Variants in DCLK1 observed in about 807,000 individuals in gnomAD.
DCLK1 encodes the protein serine/threonine-protein kinase DCLK1.
A neutral mutation model predicts 86.2 loss-of-function variants in DCLK1; 16 were observed. The ratio of observed to expected loss-of-function variants is 0.19; its 90% confidence interval spans 0.13 to 0.28. DCLK1 has a LOEUF of 0.28. Among genes scored for constraint, DCLK1 ranks in the 10% least tolerant of loss-of-function variants. DCLK1 has a pLI of 1.00. For synonymous variants in DCLK1, 369 were observed against 370.5 expected (o/e 1.00, Z 0.05); for missense variants, 590 against 940.2 (o/e 0.63, Z 4.87).
chr13:35,904,452 A>C (rs1874566681), intron 4 of DCLK1, among the ~76,000 whole-genome samples: 2 of 152,212 alleles, frequency 1.3e-5, no homozygotes, highest in South Asian at 4.1e-4. Context: ...CCAACCTCCC[A>C]AAGTGCTGAG....
At chr13:35,928,666 C>T (rs1211642148) in intron 4 of DCLK1, among the ~76,000 whole-genome samples, 6 of 152,180 alleles carry the variant, frequency 3.9e-5, no homozygotes, top group African/African-American at 2.4e-5. Context: ...CTCTTTAGTT[C>T]ACTGTGATAT....
chr13:36,070,867 A>C (rs1207317925), intron 3 of DCLK1, among the ~76,000 whole-genome samples: 1 of 151,562 alleles, frequency 6.6e-6, no homozygotes, highest in East Asian at 2.0e-4. Context: ...GGTCTCTCTA[A>C]CTCCTGACCT....
rs765069595 is a variant in DCLK1 at position 35,808,247 on chromosome 13, C to A, written c.1840G>T (p.Asp614Tyr). ...ACCTTTGCAGAATCGGAAACATTATCCCAGTATGGAGAAGGAAAGTCCACC... is the reference window on the plus strand; with the variant it reads ...ACCTTTGCAGAATCGGAAACATTATACCAGTATGGAGAAGGAAAGTCCACC... ...GQVDFPSPYW[D>Y]NVSDSAKELI... is the part of the protein sequence containing the mutation. The change falls in exon 14 of 17, where the codon GAT (aspartate) becomes TAT (tyrosine). Residue 614 changes from aspartate (D) to tyrosine (Y), a missense_variant. By Grantham distance (160) the Asp-to-Tyr change is radical. Coordinates refer to ENST00000360631, the MANE Select transcript of DCLK1 (RefSeq NM_001330071.2). 46 of 1,613,860 alleles carry A rather than the reference C, an allele frequency of 2.9e-5. No individual in the cohort carries two copies. Among genetic ancestry groups the A allele is most frequent in the Non-Finnish European group, 3.9e-5 (46 of 1,179,940 alleles).
intron 4 of DCLK1, 91 bp from the exon 5 acceptor site, chr13:35,871,431 T>C: frequency 9.5e-7 from 1 of 1,056,326 alleles, no homozygotes; most frequent in Non-Finnish European, 1.4e-6. Context: ...AGTAGAAATA[T>C]ATGACCATCC....
intron 4 of DCLK1, among the ~76,000 whole-genome samples, chr13:35,937,573 G>C (rs145186823): frequency 5.9e-5 from 9 of 152,288 alleles, no homozygotes; most frequent in African/African-American, 2.2e-4. Flanking sequence ...GACTAGATAT[G>C]ATGATGGCAA....
intron 16 of DCLK1, among the ~76,000 whole-genome samples, chr13:35,776,640 C>A (rs531218069): frequency 6.6e-6 from 1 of 152,306 alleles, no homozygotes; most frequent in East Asian, 1.9e-4. Context: ...CAAATGCTTT[C>A]TAAACAGCCA....
At chr13:35,787,281 AT>A (rs10718386) in intron 16 of DCLK1, among the ~76,000 whole-genome samples, 45,493 of 148,538 alleles carry the variant, frequency 0.31, 8,823 homozygotes, top group African/African-American at 0.54. Flanking sequence ...AACCAGTGGA[AT>A]TTTTTTTTTT....
intron 3 of DCLK1, among the ~76,000 whole-genome samples, chr13:36,086,819 C>T (rs1483137023): frequency 6.6e-6 from 1 of 152,180 alleles, no homozygotes; most frequent in Non-Finnish European, 1.5e-5. Context: ...TTTATGGCTG[C>T]ACAGTATTCC....
intron 3 of DCLK1, among the ~76,000 whole-genome samples, chr13:35,984,234 T>C (rs1879795451): frequency 6.6e-6 from 1 of 152,180 alleles, no homozygotes; most frequent in Non-Finnish European, 1.5e-5. Context: ...CTTCAGTCAA[T>C]GTTCACCAAG....
intron 3 of DCLK1, among the ~76,000 whole-genome samples, chr13:36,016,921 C>T (rs1280220128): frequency 2.0e-5 from 3 of 152,132 alleles, no homozygotes; most frequent in Non-Finnish European, 2.9e-5. Flanking sequence ...AGTCAGACTA[C>T]TCTCATTTTA....
intron 4 of DCLK1, among the ~76,000 whole-genome samples, chr13:35,910,426 GAA>G (rs1874945576): frequency 6.6e-6 from 1 of 152,216 alleles, no homozygotes; most frequent in African/African-American, 2.4e-5. Flanking sequence ...ATAACCATTT[GAA>G]AAGGAACTAT....
chr13:35,916,348 A>AT (rs1397017015), intron 4 of DCLK1, among the ~76,000 whole-genome samples: 3 of 152,174 alleles, frequency 2.0e-5, no homozygotes, highest in African/African-American at 4.8e-5. Context: ...CACAAAGTGG[A>AT]TTAGCACCAT....
chr13:35,883,303 G>C lies in DCLK1; in HGVS notation c.824-11963C>G, dbSNP rs913937702. On this transcript the variant is annotated intron_variant, in intron 4 of 16. Transcript: ENST00000360631. ...ATGGATCCCTCGAGAATGTCTTGGT[G>C]CCATCCATGAGGTAATGAGTGTGTT... Among the ~76,000 whole-genome samples, 6 of 152,300 alleles carry C rather than the reference G, an allele frequency of 3.9e-5. No homozygotes were observed. The East Asian group carries it at 1.2e-3, about 29-fold the overall frequency.
At chr13:35,815,547 T>C (rs1266107849) in intron 11 of DCLK1, among the ~76,000 whole-genome samples, 2 of 152,146 alleles carry the variant, frequency 1.3e-5, no homozygotes. Flanking sequence ...TTTCACCAAA[T>C]AGAATTGAAC....
At chr13:36,050,370 C>T (rs536833498) in intron 3 of DCLK1, among the ~76,000 whole-genome samples, 8 of 152,064 alleles carry the variant, frequency 5.3e-5, no homozygotes, top group African/African-American at 1.9e-4. Flanking sequence ...TTAACACAGC[C>T]ATAGTGTACT....
intron 11 of DCLK1, among the ~76,000 whole-genome samples, chr13:35,815,310 A>G (rs1053314383): frequency 6.6e-6 from 1 of 152,258 alleles, no homozygotes; most frequent in Non-Finnish European, 1.5e-5. Flanking sequence ...GCTGGTGGCC[A>G]TAAAATAATA....
intron 3 of DCLK1, among the ~76,000 whole-genome samples, chr13:36,108,943 G>T (rs545117928): frequency 6.6e-6 from 1 of 152,316 alleles, no homozygotes; most frequent in East Asian, 1.9e-4. Flanking sequence ...ACAGGACAGC[G>T]TGGAGGAAAC....
chr13:35,868,963 G>T (rs11147590), intron 5 of DCLK1: 3 of 357,964 alleles, frequency 8.4e-6, no homozygotes, highest in Non-Finnish European at 1.7e-5. Flanking sequence ...GCTAATTTTT[G>T]TATTTTTAGT....
intron 3 of DCLK1, among the ~76,000 whole-genome samples, chr13:35,958,269 A>ACCACCACCACCACCACTG (rs1566620992): frequency 1.3e-5 from 2 of 151,472 alleles, no homozygotes; most frequent in Non-Finnish European, 1.5e-5. Flanking sequence ...TACTATAACC[A>ACCACCACCACCACCACTG]TTACCACCAT....
Sources: gnomAD v4.1 joint callset for allele counts (sites outside exome capture counted in the v4.1 genomes callset) on GRCh38, gnomAD v4.1.1 for gene constraint, MANE v1.5 for transcripts, NCBI Gene and HGNC (gene_info 2026-07-23, HGNC 2026-07-21) for gene names.